The following MYO9B variants were observed in gnomAD, a reference collection of about 807,000 sequenced individuals.
MYO9B encodes myosin IXB, also known as unconventional myosin-IXb.
MYO9B carries 71 observed loss-of-function variants against 229.5 expected under a neutral mutation model. The ratio of observed to expected loss-of-function variants is 0.31; its 90% CI spans 0.26 to 0.38. MYO9B has a LOEUF of 0.38. Ranked by LOEUF, MYO9B falls within the 10% of genes least tolerant of loss-of-function variation. The probability of loss-of-function intolerance (pLI) is 1.00; values close to 1 mark genes in which losing one functional copy is unlikely to be tolerated. For missense variants in MYO9B, 2,255 were observed against 2,920.5 expected, an observed-to-expected ratio of 0.77 and a Z score of 5.25; for synonymous variants, 1,185 against 1,235.8, an observed-to-expected ratio of 0.96 and a Z score of 0.86.
chr19:17,089,271 TA>T (rs111698994), intron 1 of MYO9B, among the ~76,000 whole-genome samples: 7,193 of 139,792 alleles, frequency 0.051, 201 homozygotes, highest in African/African-American at 0.082. Context: ...GCGTTTCTTC[TA>T]AAAAAAAAAA....
chr19:17,138,559 G>A (rs939697733), intron 2 of MYO9B, among the ~76,000 whole-genome samples: 17 of 152,010 alleles, frequency 1.1e-4, no homozygotes, highest in African/African-American at 1.9e-4. Context: ...GATTACAGGC[G>A]TGACCACTGC....
intron 3 of MYO9B, among the ~76,000 whole-genome samples, chr19:17,146,450 G>C (rs911830017): frequency 1.3e-5 from 2 of 151,952 alleles, no homozygotes; most frequent in African/African-American, 4.8e-5. Context: ...CAGGTGGCTG[G>C]ATAGATGGAT....
chr19:17,151,271 T>C (rs1423354870), intron 3 of MYO9B, among the ~76,000 whole-genome samples: 1 of 121,082 alleles, frequency 8.3e-6, no homozygotes. Context: ...AGAGCAAAAC[T>C]CCATCTCAAA....
chr19:17,079,887 C>T (rs2057519056), intron 1 of MYO9B, among the ~76,000 whole-genome samples: 1 of 152,192 alleles, frequency 6.6e-6, no homozygotes, highest in Non-Finnish European at 1.5e-5. Context: ...CCCTCGTGGT[C>T]CCTGGAGTGG....
Position 17,101,584 on chromosome 19 carries a change from C to A in MYO9B, c.-58-76C>A. On this transcript the variant is annotated intron_variant, in intron 1 of 39. Transcript: ENST00000682292. This position sits in a 1 kb window ranked among gnomAD's most constrained non-coding sequence, Gnocchi z 4.7. ...AGCATCGGGTCAGGTGCTATCTGCCCAGGAGTGGGACTCCACATGCCCCTT... is the reference window on the plus strand; with the variant it reads ...AGCATCGGGTCAGGTGCTATCTGCCAAGGAGTGGGACTCCACATGCCCCTT... 7.4e-7 allele frequency: 1 copy of A among 1,360,328 alleles called. No homozygotes were observed. Among genetic ancestry groups the A allele is most frequent in the Non-Finnish European group, 9.7e-7 (1 of 1,031,824 alleles). The allele number at this position is 1,360,328 out of a possible 1,614,324, so 84.3% of individuals were successfully genotyped here.
rs2073043667 is a variant in MYO9B, at chr19:17,196,378, T to C, written c.4046+905T>C. Among the ~76,000 whole-genome samples, 4 of 151,490 alleles carry C rather than the reference T, an allele frequency of 2.6e-5. No individual in the cohort carries two copies. The South Asian group carries it at 8.4e-4, about 32-fold the overall frequency. ...ATGGATGGATGGATGATACAGATGA[T>C]GGGGAGATGGATGGATAGAAGATGG... On this transcript the variant is annotated intron_variant, in intron 22 of 39. Transcript: ENST00000682292.
chr19:17,093,679 T>C (rs963171362), intron 1 of MYO9B, among the ~76,000 whole-genome samples: 1 of 61,322 alleles, frequency 1.6e-5, no homozygotes, highest in Non-Finnish European at 3.0e-5. Context: ...TTAAAGCAGT[T>C]TTTTTGCGGG....
intron 2 of MYO9B, among the ~76,000 whole-genome samples, chr19:17,142,688 C>T (rs867520694): frequency 6.6e-6 from 1 of 152,016 alleles, no homozygotes; most frequent in East Asian, 1.9e-4. Context: ...TGGCATGTAC[C>T]GATAAAACTT....
intron 3 of MYO9B, among the ~76,000 whole-genome samples, chr19:17,149,095 C>T (rs1030837717): frequency 6.6e-6 from 1 of 152,150 alleles, no homozygotes; most frequent in South Asian, 2.1e-4. Context: ...CTGCCTCAGC[C>T]TCCTGAGTAG....
At chr19:17,107,972 A>G (rs879781347) in intron 2 of MYO9B, among the ~76,000 whole-genome samples, 3 of 152,108 alleles carry the variant, frequency 2.0e-5, no homozygotes, top group Non-Finnish European at 1.5e-5. Flanking sequence ...TTCAAGTCCT[A>G]CCTGGCCCCT....
rs560737903 is a variant in MYO9B, at chr19:17,134,984, G to A, written c.841-10413G>A. Among the ~76,000 whole-genome samples, 5 of 151,646 alleles carry A rather than the reference G, an allele frequency of 3.3e-5. No homozygotes were observed. The South Asian group carries it at 8.3e-4, about 25-fold the overall frequency. ...TCGCCATGTTGGCCAGGCTGGTCTC[G>A]AACTCCTGACCTCAAGTGATCTGCC... On this transcript the variant is annotated intron_variant, in intron 2 of 39. Transcript: ENST00000682292.
intron 1 of MYO9B, among the ~76,000 whole-genome samples, chr19:17,092,917 T>C (rs1009638954): frequency 1.2e-4 from 18 of 152,184 alleles, no homozygotes; most frequent in Admixed American, 1.2e-3. Flanking sequence ...CAGAGGTGTG[T>C]TCATGTTTGT....
intron 2 of MYO9B, among the ~76,000 whole-genome samples, chr19:17,141,334 C>T (rs1006117535): frequency 6.6e-6 from 1 of 152,132 alleles, no homozygotes; most frequent in Non-Finnish European, 1.5e-5. Context: ...CTCTCCTATC[C>T]CCTGGGTGGC....
chr19:17,141,912 C>T (rs1227844110), intron 2 of MYO9B, among the ~76,000 whole-genome samples: 1 of 152,124 alleles, frequency 6.6e-6, no homozygotes, highest in Non-Finnish European at 1.5e-5. Context: ...GGTGAGCCAC[C>T]GTGCCTGTCA....
At chr19:17,078,923 C>G (rs1284223340) in intron 1 of MYO9B, among the ~76,000 whole-genome samples, 1 of 152,180 alleles carries the variant, frequency 6.6e-6, no homozygotes, top group Non-Finnish European at 1.5e-5. Context: ...CATGCAGGAT[C>G]CTTAGTAACC....
At chr19:17,167,778 C>G in intron 10 of MYO9B, 165 bp from the exon 11 acceptor site, 1 of 887,586 alleles carries the variant, frequency 1.1e-6, no homozygotes, top group Non-Finnish European at 1.6e-6. Context: ...TGTGCCCAGC[C>G]CTATTAGAGT....
Position 17,134,381 on chromosome 19 carries a change from G to GTTTTTTT in MYO9B, c.841-10994_841-10988dup, listed in dbSNP as rs869297825. 7.3e-4 allele frequency among the ~76,000 whole-genome samples: 34 copies of GTTTTTTT among 46,476 alleles called. 1 individual carries two copies. Among genetic ancestry groups the GTTTTTTT allele is most frequent in the African/African-American group, 1.4e-3 (16 of 11,198 alleles). The allele number at this position is 46,476 out of a possible 152,430, so 30.5% of individuals were successfully genotyped here. Reference sequence around the variant, plus strand: ...CTTTGTTTTTTTTTTCGTTTTGTTTGTTTTTTTTTTTTTTTTTTTTTTTTT... The same window carrying GTTTTTTT: ...CTTTGTTTTTTTTTTCGTTTTGTTTGTTTTTTTTTTTTTTTTTTTTTTTTTTTTTTTT... On this transcript the variant is annotated intron_variant, in intron 2 of 39. Transcript: ENST00000682292.
chr19:17,083,873 A>T (rs746743030), intron 1 of MYO9B, among the ~76,000 whole-genome samples: 7 of 151,870 alleles, frequency 4.6e-5, no homozygotes, highest in Non-Finnish European at 8.8e-5. Flanking sequence ...CTGGTCTTGA[A>T]TTCGTGACCT....
At chr19:17,211,517 C>G (rs2073228822) in intron 38 of MYO9B, 130 bp from the exon 39 acceptor site, 1 of 865,394 alleles carries the variant, frequency 1.2e-6, no homozygotes. Flanking sequence ...TCAAGCAATC[C>G]TCCTGCTTGG....
Sources: allele counts gnomAD v4.1 joint callset (sites outside exome capture counted in the v4.1 genomes callset), GRCh38; gene constraint gnomAD v4.1.1; non-coding constraint Gnocchi (gnomAD v3.1); transcripts MANE v1.5; gene names NCBI Gene and HGNC (gene_info 2026-07-23, HGNC 2026-07-21).